The following GULP1 variants were observed in gnomAD, a reference collection of about 807,000 sequenced individuals.
The protein encoded by GULP1 is PTB domain-containing engulfment adapter protein 1.
Under a neutral mutation model 40.9 loss-of-function variants are expected in GULP1, and 19 were observed. The observed-to-expected ratio is 0.46, with a 90% CI of 0.32 to 0.68. The LOEUF (loss-of-function observed/expected upper bound fraction) is 0.68, where lower values mean the gene tolerates loss of function less well. Ranked by LOEUF, GULP1 falls within the 30% of genes least tolerant of loss-of-function variation. GULP1 has a pLI of 0.03. For missense variants in GULP1, 312 were observed against 362.2 expected (o/e 0.86, Z 1.12); for synonymous variants, 119 against 117.6 (o/e 1.01, Z -0.08).
chr2:188,321,520 A>G (rs1009192792), intron 1 of GULP1, among the ~76,000 whole-genome samples: 1 of 152,224 alleles, frequency 6.6e-6, no homozygotes, highest in African/African-American at 2.4e-5. Flanking sequence ...CAGTAAGTTT[A>G]GTGTGCTAAC....
chr2:188,536,827 TC>T (rs1472313134), intron 6 of GULP1, among the ~76,000 whole-genome samples: 15 of 152,294 alleles, frequency 9.8e-5, no homozygotes, highest in African/African-American at 3.6e-4. Flanking sequence ...GGAATATTTT[TC>T]CATTTGTTTC....
At chr2:188,541,140 A>G in intron 6 of GULP1, 41 bp from the exon 7 acceptor site, 6 of 1,562,730 alleles carry the variant, frequency 3.8e-6, no homozygotes, top group Non-Finnish European at 3.5e-6. Flanking sequence ...AAATGAAAAA[A>G]GAATCCCATC....
rs181641969 is a variant in GULP1, at chr2:188,594,004, G to C, written c.908G>C (p.Arg303Thr). Residue 303 changes from arginine to threonine, a missense_variant, in exon 12 of 12, where the codon AGG (arginine) becomes ACG (threonine). Physicochemically the swap from Arg to Thr is moderately conservative, Grantham distance 71. Transcript: ENST00000409830. ...TTTTGTCTCGACCCGTTAGACAGTA[G>C]GTGCTGACATCAAGAACAAGAAATC... ...TVFCLDPLDS[R>T]C is the part of the protein sequence containing the mutation. The C allele has an allele frequency of 2.3e-4, 355 of 1,575,246 alleles. No homozygotes were observed. Among genetic ancestry groups the C allele is most frequent in the Non-Finnish European group, 2.6e-4 (298 of 1,145,936 alleles).
intron 2 of GULP1, among the ~76,000 whole-genome samples, chr2:188,458,104 C>G (rs771778445): frequency 2.6e-5 from 4 of 152,108 alleles, no homozygotes; most frequent in Non-Finnish European, 5.9e-5. Context: ...TTCCCATCAC[C>G]AAATCTACCA....
At chr2:188,323,610 A>G (rs2040310314) in intron 1 of GULP1, among the ~76,000 whole-genome samples, 1 of 151,422 alleles carries the variant, frequency 6.6e-6, no homozygotes, top group African/African-American at 2.4e-5. Flanking sequence ...TGTGAGTGCA[A>G]ATTGAATGAA....
intron 1 of GULP1, among the ~76,000 whole-genome samples, chr2:188,313,699 T>C (rs1370113464): frequency 6.6e-6 from 1 of 152,244 alleles, no homozygotes; most frequent in Non-Finnish European, 1.5e-5. Flanking sequence ...ATGAATTACT[T>C]TGGGCAGTAT....
intron 9 of GULP1, among the ~76,000 whole-genome samples, chr2:188,578,364 G>GA (rs1303204052): frequency 4.6e-5 from 7 of 150,980 alleles, no homozygotes; most frequent in South Asian, 2.1e-4. Flanking sequence ...ACTACTTACT[G>GA]AAAAAAAAGA....
chr2:188,443,510 G>A (rs779367205), intron 2 of GULP1, among the ~76,000 whole-genome samples: 4 of 151,904 alleles, frequency 2.6e-5, no homozygotes, highest in Non-Finnish European at 4.4e-5. Flanking sequence ...ATTGACCCTC[G>A]AGCCTAAGCA....
intron 1 of GULP1, among the ~76,000 whole-genome samples, chr2:188,319,587 C>G (rs1020375515): frequency 6.6e-6 from 1 of 152,154 alleles, no homozygotes; most frequent in African/African-American, 2.4e-5. Context: ...GGAAACATGA[C>G]TATGAGCATA....
chr2:188,477,917 T>A (rs141512059), intron 3 of GULP1, among the ~76,000 whole-genome samples, 187 bp downstream of exon 3: 80 of 152,260 alleles, frequency 5.3e-4, no homozygotes, highest in African/African-American at 1.9e-3. Flanking sequence ...TAGTGAAAGA[T>A]CAAAGTTGTT....
At chr2:188,403,350 C>T (rs1382661233) in intron 2 of GULP1, among the ~76,000 whole-genome samples, 2 of 151,824 alleles carry the variant, frequency 1.3e-5, no homozygotes, top group East Asian at 3.9e-4. Context: ...GAGATAGTAA[C>T]ACATAAATAT....
At chr2:188,416,742 A>G (rs899915214) in intron 2 of GULP1, among the ~76,000 whole-genome samples, 1 of 152,224 alleles carries the variant, frequency 6.6e-6, no homozygotes, top group Non-Finnish European at 1.5e-5. Context: ...CTTTATGAAG[A>G]TAAGCAACAG....
At chr2:188,436,739 GTATAA>G (rs1490425223) in intron 2 of GULP1, among the ~76,000 whole-genome samples, 5 of 152,014 alleles carry the variant, frequency 3.3e-5, no homozygotes, top group Non-Finnish European at 7.4e-5. Context: ...TTTAAATTGA[GTATAA>G]TATGTGTTCT....
chr2:188,424,885 G>T (rs72911406), intron 2 of GULP1, among the ~76,000 whole-genome samples: 1,852 of 152,046 alleles, frequency 0.012, 17 homozygotes, highest in East Asian at 0.022. Flanking sequence ...TCAGTTTATG[G>T]AATTTCTTGT....
chr2:188,395,188 TC>T (rs1164834811), intron 2 of GULP1, among the ~76,000 whole-genome samples: 1 of 152,038 alleles, frequency 6.6e-6, no homozygotes, highest in Non-Finnish European at 1.5e-5. Flanking sequence ...GCACCTGAAC[TC>T]CCCTGTCAGG....
intron 7 of GULP1, among the ~76,000 whole-genome samples, chr2:188,552,703 G>C (rs1693771211): frequency 6.6e-6 from 1 of 151,548 alleles, no homozygotes; most frequent in Non-Finnish European, 1.5e-5. Flanking sequence ...AGGTTGCTTT[G>C]GATGGTAGTC....
intron 2 of GULP1, among the ~76,000 whole-genome samples, chr2:188,462,470 T>C (rs2059787831): frequency 6.6e-6 from 1 of 152,130 alleles, no homozygotes; most frequent in Non-Finnish European, 1.5e-5. Context: ...AAATTTGAAT[T>C]TTCTTTGTTT....
At position 188,338,820 on chromosome 2, in the gene GULP1, A is replaced by G. The variant is rs369629528; in HGVS notation, c.-171-44943A>G. 2.2e-4 allele frequency among the ~76,000 whole-genome samples: 33 copies of G among 152,300 alleles called. 1 individual carries two copies. The highest frequency in any genetic ancestry group is 7.9e-4 in the African/African-American group (33 of 41,562). ...CCAGGCTAATCTCAGAAGAATTGTT[A>G]AAAAGGTAGCTACTTCTCTAAAATG... is the stretch of plus-strand genomic sequence containing the variant. On this transcript the variant is annotated intron_variant, in intron 1 of 11. Transcript: ENST00000409830.
chr2:188,564,596 A>G (rs1294089788), intron 7 of GULP1, among the ~76,000 whole-genome samples: 1 of 151,924 alleles, frequency 6.6e-6, no homozygotes, highest in East Asian at 1.9e-4. Flanking sequence ...GAAAGATACC[A>G]TGTTTATAGA....
Sources: allele counts gnomAD v4.1 joint callset (sites outside exome capture counted in the v4.1 genomes callset), GRCh38; gene constraint gnomAD v4.1.1; transcripts MANE v1.5; gene names NCBI Gene and HGNC (gene_info 2026-07-23, HGNC 2026-07-21).